The following MCF2 variants were observed in gnomAD, a reference collection of about 807,000 sequenced individuals.
MCF2 encodes the protein MCF.2 cell line derived transforming sequence, also known as proto-oncogene DBL.
Under a neutral mutation model 82.5 loss-of-function variants are expected in MCF2, and 44 were observed. The observed-to-expected ratio is 0.53, with a 90% CI of 0.42 to 0.69. The LOEUF is 0.69. Ranked by LOEUF, MCF2 falls within the 30% of genes least tolerant of loss-of-function variation. MCF2 has a pLI of 0.00. For synonymous variants in MCF2, 217 were observed against 224.9 expected (o/e 0.96, Z 0.32); for missense variants, 623 against 663.1 (o/e 0.94, Z 0.66).
chrX:139,651,143 A>AAT (rs755090901), intron 2 of MCF2, among the ~76,000 whole-genome samples: 7 of 99,131 alleles, frequency 7.1e-5, no homozygotes, highest in Non-Finnish European at 1.3e-4. Context: ...AAACGTACTT[A>AAT]ATGCCGCTGA....
At chrX:139,603,044 C>T (rs1430676040) in intron 15 of MCF2, among the ~76,000 whole-genome samples, 2 of 112,016 alleles carry the variant, frequency 1.8e-5, no homozygotes, top group Non-Finnish European at 3.8e-5. Context: ...TTCTATACAA[C>T]CATTGTTTAT....
chrX:139,591,965 G>C (rs1401964443), intron 19 of MCF2, among the ~76,000 whole-genome samples: 2 of 111,076 alleles, frequency 1.8e-5, no homozygotes, highest in African/African-American at 6.5e-5. Context: ...CCAAGGGTAA[G>C]ACTGTGAAAC....
At chrX:139,599,434 A>G (rs953429836) in intron 16 of MCF2, among the ~76,000 whole-genome samples, 10 of 110,219 alleles carry the variant, frequency 9.1e-5, no homozygotes, top group African/African-American at 3.3e-4. Context: ...CTGGAAACCA[A>G]ACTTAGAAGT....
At chrX:139,664,967 G>T (rs1031636425) in intron 1 of MCF2, among the ~76,000 whole-genome samples, 1 of 111,398 alleles carries the variant, frequency 9.0e-6, no homozygotes, top group African/African-American at 3.3e-5. Context: ...TAGAAATGCC[G>T]TATGGGAGCT....
chrX:139,638,068 C>A (rs951976147), intron 1 of MCF2, among the ~76,000 whole-genome samples: 1 of 111,807 alleles, frequency 8.9e-6, no homozygotes, highest in African/African-American at 3.3e-5. Flanking sequence ...TAATCTTGGA[C>A]TTCTGACCTC....
intron 1 of MCF2, among the ~76,000 whole-genome samples, chrX:139,688,877 A>G (rs770131423): frequency 9.0e-6 from 1 of 111,535 alleles, no homozygotes; most frequent in South Asian, 3.9e-4. Flanking sequence ...ATAAGAAATA[A>G]CATTTACTTC....
chrX:139,583,961 A>G (rs930019965), intron 24 of MCF2, among the ~76,000 whole-genome samples: 1 of 110,532 alleles, frequency 9.0e-6, no homozygotes, highest in African/African-American at 3.3e-5. Flanking sequence ...GCTCTTTTTC[A>G]TACTAATACT....
intron 1 of MCF2, among the ~76,000 whole-genome samples, chrX:139,663,041 C>T (rs1934399471): frequency 8.9e-6 from 1 of 111,940 alleles, no homozygotes; most frequent in African/African-American, 3.2e-5. Context: ...TCCATTCATC[C>T]GTTGATGGAC....
chrX:139,708,164 G>T (rs1052220683), exon 1 of MCF2: 1 of 111,781 alleles, frequency 8.9e-6, no homozygotes, highest in Non-Finnish European at 1.9e-5. Flanking sequence ...CCAAAAGAAT[G>T]TACAATACTC....
chrX:139,703,754 C>A (rs1041376015), intron 1 of MCF2, among the ~76,000 whole-genome samples: 54 of 110,081 alleles, frequency 4.9e-4, no homozygotes, highest in Admixed American at 7.7e-4. Context: ...ACAAACAAAC[C>A]AACAAAAAAC....
intron 1 of MCF2, among the ~76,000 whole-genome samples, chrX:139,638,417 G>C (rs1933362926): frequency 9.0e-6 from 1 of 111,391 alleles, no homozygotes; most frequent in African/African-American, 3.3e-5. Flanking sequence ...TTAAAGAACA[G>C]CCTAAATTAG....
chrX:139,659,595 T>C, intron 1 of MCF2, among the ~76,000 whole-genome samples: 1 of 111,820 alleles, frequency 8.9e-6, no homozygotes, highest in Non-Finnish European at 1.9e-5. Flanking sequence ...TCTATTCATA[T>C]ACAATAGAAA....
chrX:139,606,323 T>G (rs917445295), intron 12 of MCF2, among the ~76,000 whole-genome samples: 3 of 110,201 alleles, frequency 2.7e-5, no homozygotes, highest in Non-Finnish European at 5.7e-5. Flanking sequence ...TACCCTGGTC[T>G]CCTCAAGTGT....
intron 21 of MCF2, 146 bp from the exon 26 acceptor site, chrX:139,587,934 A>C (rs1929132172): frequency 2.3e-6 from 1 of 427,617 alleles, no homozygotes. Flanking sequence ...ACTTGAAATA[A>C]TCAGAGGGAA....
intron 18 of MCF2, among the ~76,000 whole-genome samples, chrX:139,597,021 T>A (rs755801268): frequency 2.6e-4 from 29 of 111,306 alleles, no homozygotes; most frequent in Non-Finnish European, 5.1e-4. Context: ...CTAGGGTAAG[T>A]CTCCCCATCT....
intron 1 of MCF2, among the ~76,000 whole-genome samples, chrX:139,659,313 A>T (rs540440750): frequency 2.8e-5 from 3 of 107,948 alleles, no homozygotes; most frequent in South Asian, 4.0e-4. Flanking sequence ...TTTAAAAATT[A>T]AAAAAAAAAC....
exon 13 of MCF2, chrX:139,605,776 G>A (rs1205291784): frequency 1.7e-6 from 2 of 1,175,189 alleles, no homozygotes; most frequent in Non-Finnish European, 2.3e-6. Context: ...CATTTAGTAC[G>A]TGGCTAAAAT....
chrX:139,694,497 G>A (rs1466966043), intron 1 of MCF2, among the ~76,000 whole-genome samples: 2 of 109,471 alleles, frequency 1.8e-5, no homozygotes, highest in Admixed American at 9.8e-5. Context: ...ACTAATATAA[G>A]GATAGACTTA....
chrX:139,637,713 G>A (rs1933314305), intron 1 of MCF2, among the ~76,000 whole-genome samples: 1 of 111,527 alleles, frequency 9.0e-6, no homozygotes, highest in Non-Finnish European at 1.9e-5. Context: ...CACAACTGGA[G>A]AAACTGAGTG....
Sources: gnomAD v4.1 joint callset for allele counts (sites outside exome capture counted in the v4.1 genomes callset) on GRCh38, gnomAD v4.1.1 for gene constraint, MANE v1.5 for transcripts, NCBI Gene and HGNC (gene_info 2026-07-23, HGNC 2026-07-21) for gene names.